The following ERBB4 variants were observed in gnomAD, a reference collection of about 807,000 sequenced individuals.
ERBB4 encodes erb-b2 receptor tyrosine kinase 4, also known as receptor tyrosine-protein kinase erbB-4.
A neutral mutation model predicts 158.0 loss-of-function variants in ERBB4; 42 were observed. That is an observed-to-expected ratio of 0.27 (90% CI 0.21 to 0.34). ERBB4 has a LOEUF of 0.34. ERBB4 is among the 10% of genes least tolerant of loss of function. The probability of loss-of-function intolerance (pLI) is 1.00; values close to 1 mark genes in which losing one functional copy is unlikely to be tolerated. For synonymous variants in ERBB4, 583 were observed against 558.7 expected (o/e 1.04, Z -0.61); for missense variants, 1,333 against 1,624.1 (o/e 0.82, Z 3.08).
chr2:212,048,493 T>TA (rs2077314592), intron 2 of ERBB4, among the ~76,000 whole-genome samples: 1 of 152,030 alleles, frequency 6.6e-6, no homozygotes, highest in Non-Finnish European at 1.5e-5. Context: ...AATGGACTGA[T>TA]AGTTTGTTTA....
Position 212,323,431 on chromosome 2 carries a change from G to A in ERBB4, c.83-198528C>T, listed in dbSNP as rs79686746. Reference sequence around the variant, plus strand: ...TGGGAGTTAGGAAAGGTAGTGTGGGGAAGGGTATGAGCTTGCTATACTTAT... The same window carrying A: ...TGGGAGTTAGGAAAGGTAGTGTGGGAAAGGGTATGAGCTTGCTATACTTAT... On this transcript the variant is annotated intron_variant, in intron 1 of 27. Coordinates refer to ENST00000342788, the MANE Select transcript of ERBB4 (RefSeq NM_005235.3). Among the ~76,000 whole-genome samples, 670 of 150,432 alleles carry A rather than the reference G, an allele frequency of 4.5e-3. 34 individuals carry two copies. The highest frequency in any genetic ancestry group is 7.5e-3 in the Non-Finnish European group (504 of 67,054).
chr2:212,047,604 T>C (rs1002758802), intron 2 of ERBB4, among the ~76,000 whole-genome samples: 10 of 151,634 alleles, frequency 6.6e-5, no homozygotes, highest in African/African-American at 2.4e-4. Flanking sequence ...TCGCAAGTAG[T>C]TGGGACTACA....
intron 4 of ERBB4, among the ~76,000 whole-genome samples, chr2:211,763,308 C>T (rs187610695): frequency 3.3e-5 from 5 of 152,208 alleles, no homozygotes; most frequent in Admixed American, 3.3e-4. Context: ...CATCTGGCTT[C>T]CACTTGATAG....
intron 1 of ERBB4, among the ~76,000 whole-genome samples, chr2:212,528,548 TCCATTC>T (rs1229336785): frequency 6.6e-6 from 1 of 152,150 alleles, no homozygotes; most frequent in African/African-American, 2.4e-5. Context: ...TTCTAATATC[TCCATTC>T]CCAATTTTCT....
At chr2:211,515,715 A>G (rs998062246) in intron 20 of ERBB4, among the ~76,000 whole-genome samples, 2 of 150,796 alleles carry the variant, frequency 1.3e-5, no homozygotes, top group Admixed American at 6.6e-5. Context: ...ACAATCAGAT[A>G]GATGCTGCTC....
chr2:212,340,964 C>A (rs1459757677), intron 1 of ERBB4, among the ~76,000 whole-genome samples: 1 of 152,054 alleles, frequency 6.6e-6, no homozygotes, highest in Non-Finnish European at 1.5e-5. Flanking sequence ...TTATCAAGAT[C>A]TTAAAAGGTA....
At chr2:211,492,247 C>T (rs1420271982) in intron 20 of ERBB4, among the ~76,000 whole-genome samples, 1 of 151,992 alleles carries the variant, frequency 6.6e-6, no homozygotes, top group African/African-American at 2.4e-5. Flanking sequence ...AAGAAGTCTT[C>T]ACTAATTAAT....
At chr2:211,588,958 T>C (rs2068375875) in intron 19 of ERBB4, among the ~76,000 whole-genome samples, 1 of 152,148 alleles carries the variant, frequency 6.6e-6, no homozygotes, top group Non-Finnish European at 1.5e-5. Flanking sequence ...CTATAGAAGA[T>C]ATGAGAAAAA....
chr2:212,309,556 G>A (rs909198647), intron 1 of ERBB4, among the ~76,000 whole-genome samples: 5 of 150,712 alleles, frequency 3.3e-5, no homozygotes, highest in Non-Finnish European at 4.5e-5. Flanking sequence ...TGAATAGCAG[G>A]CACTCAATCA....
At position 212,044,459 on chromosome 2, in the gene ERBB4, T is replaced by TAAC. The variant is rs1559376408; in HGVS notation, c.234+80292_234+80293insGTT. Among the ~76,000 whole-genome samples, 16 of 152,282 alleles carry TAAC rather than the reference T, an allele frequency of 1.1e-4. No individual in the cohort carries two copies. In the South Asian group the frequency reaches 2.9e-3, roughly 28 times the overall value. On this transcript the variant is annotated intron_variant, in intron 2 of 27. Coordinates refer to ENST00000342788, the MANE Select transcript of ERBB4 (RefSeq NM_005235.3). ...CTAGTCTACCTAACCCTCCCCCTTTTGAAACAGATTTCGTATCAGAGTTAC... is the reference window on the plus strand; with the variant it reads ...CTAGTCTACCTAACCCTCCCCCTTTTAACGAAACAGATTTCGTATCAGAGTTAC...
chr2:211,657,345 C>T (rs780065843), intron 16 of ERBB4, among the ~76,000 whole-genome samples: 43 of 151,878 alleles, frequency 2.8e-4, no homozygotes, highest in Non-Finnish European at 5.0e-4. Flanking sequence ...CCCATCTCTA[C>T]TAAAAATACA....
chr2:211,441,793 C>CTTAT (rs1461625728), intron 20 of ERBB4, among the ~76,000 whole-genome samples: 3 of 152,174 alleles, frequency 2.0e-5, no homozygotes, highest in South Asian at 2.1e-4. Flanking sequence ...AACTTTGTGC[C>CTTAT]TTATTTTGTC....
intron 2 of ERBB4, among the ~76,000 whole-genome samples, chr2:211,978,811 C>T (rs1488304333): frequency 1.3e-5 from 2 of 152,068 alleles, no homozygotes; most frequent in African/African-American, 4.8e-5. Flanking sequence ...CTAACTACAC[C>T]AAAGAGCCAT....
chr2:212,372,585 T>C (rs113168846), intron 1 of ERBB4, among the ~76,000 whole-genome samples: 2,339 of 151,954 alleles, frequency 0.015, 54 homozygotes, highest in African/African-American at 0.054. Flanking sequence ...CCGTATCTAG[T>C]AAAAATACGA....
At chr2:211,533,271 T>C (rs929931129) in intron 20 of ERBB4, among the ~76,000 whole-genome samples, 3 of 151,992 alleles carry the variant, frequency 2.0e-5, no homozygotes, top group African/African-American at 7.2e-5. Flanking sequence ...TATTTTCCTG[T>C]TATGAATTAT....
chr2:212,220,301 T>C (rs1167515403), intron 1 of ERBB4, among the ~76,000 whole-genome samples: 1 of 151,404 alleles, frequency 6.6e-6, no homozygotes, highest in Admixed American at 6.6e-5. Flanking sequence ...AATTACTTAA[T>C]GTCACAGGAG....
intron 2 of ERBB4, among the ~76,000 whole-genome samples, chr2:212,019,700 T>A (rs565210876): frequency 6.8e-6 from 1 of 146,044 alleles, no homozygotes; most frequent in East Asian, 2.0e-4. Flanking sequence ...GAGGTGGAGG[T>A]TGCAGTGAGC....
chr2:212,021,668 A>G (rs1042704994), intron 2 of ERBB4, among the ~76,000 whole-genome samples: 1 of 152,176 alleles, frequency 6.6e-6, no homozygotes, highest in Non-Finnish European at 1.5e-5. Flanking sequence ...ACAGGCAAAG[A>G]TTTTATCATG....
intron 25 of ERBB4, among the ~76,000 whole-genome samples, chr2:211,394,264 G>C (rs1259703960): frequency 6.6e-6 from 1 of 152,118 alleles, no homozygotes; most frequent in African/African-American, 2.4e-5. Flanking sequence ...TGCCAACATT[G>C]CTTAGCTTCA....
Sources: gnomAD v4.1 joint callset for allele counts (sites outside exome capture counted in the v4.1 genomes callset) on GRCh38, gnomAD v4.1.1 for gene constraint, MANE v1.5 for transcripts, NCBI Gene and HGNC (gene_info 2026-07-23, HGNC 2026-07-21) for gene names.